Variants in PHACTR1 observed in about 807,000 individuals in gnomAD.
The protein encoded by PHACTR1 is RPEL repeat containing 1.
A neutral mutation model predicts 69.2 loss-of-function variants in PHACTR1; 16 were observed. That is an observed-to-expected ratio of 0.23 (90% CI 0.16 to 0.35). The LOEUF (loss-of-function observed/expected upper bound fraction) is 0.35, where lower values mean the gene tolerates loss of function less well. Ranked by LOEUF, PHACTR1 falls within the 10% of genes least tolerant of loss-of-function variation. The pLI is 1.00. For missense variants in PHACTR1, 510 were observed against 734.7 expected, an observed-to-expected ratio of 0.69 and a Z score of 3.54; for synonymous variants, 312 against 284.5, an observed-to-expected ratio of 1.10 and a Z score of -0.97.
intron 4 of PHACTR1, among the ~76,000 whole-genome samples, chr6:12,833,677 C>T (rs1023684857): frequency 3.3e-5 from 5 of 152,182 alleles, no homozygotes; most frequent in Admixed American, 6.5e-5. Context: ...CTCCTGCTTC[C>T]GCTCTTACAT....
At chr6:12,805,715 C>T (rs1463487882) in intron 4 of PHACTR1, among the ~76,000 whole-genome samples, 2 of 152,016 alleles carry the variant, frequency 1.3e-5, no homozygotes, top group Non-Finnish European at 2.9e-5. Flanking sequence ...ATTCTCCTGC[C>T]TCCGTTTCCT....
At chr6:13,113,521 A>G (rs954517472) in intron 5 of PHACTR1, among the ~76,000 whole-genome samples, 13 of 152,220 alleles carry the variant, frequency 8.5e-5, no homozygotes, top group African/African-American at 3.1e-4. Context: ...ATTTCAGTAG[A>G]CACAGAAAAA....
rs111555940 is a variant in PHACTR1 at position 13,001,689 on chromosome 6, A to G, written c.251-51676A>G. Among the ~76,000 whole-genome samples, 90 of 152,312 alleles carry G rather than the reference A, an allele frequency of 5.9e-4. 1 individual carries two copies. The highest frequency in any genetic ancestry group is 2.0e-3 in the African/African-American group (84 of 41,578). On this transcript the variant is annotated intron_variant, in intron 4 of 14. Coordinates refer to ENST00000332995, the MANE Select transcript of PHACTR1 (RefSeq NM_030948.6). ...CAGCCTAGAAAGTGACATCCAATAA[A>G]TAGTGTGCCCCCCACTTTGGGGAAG... is the stretch of plus-strand genomic sequence containing the variant.
intron 5 of PHACTR1, among the ~76,000 whole-genome samples, chr6:13,130,629 C>T (rs563071794): frequency 1.0e-3 from 154 of 152,102 alleles, no homozygotes; most frequent in Admixed American, 2.3e-3. Context: ...AAACTCTGAA[C>T]GACCAATAAC....
chr6:13,132,470 C>T (rs1461144532), intron 5 of PHACTR1, among the ~76,000 whole-genome samples: 3 of 152,154 alleles, frequency 2.0e-5, no homozygotes, highest in African/African-American at 7.2e-5. Flanking sequence ...TTGCCCGCAG[C>T]AGATGCTTAC....
At chr6:12,926,206 C>T (rs1424788976) in intron 4 of PHACTR1, among the ~76,000 whole-genome samples, 1 of 152,160 alleles carries the variant, frequency 6.6e-6, no homozygotes, top group Non-Finnish European at 1.5e-5. Flanking sequence ...ATTATGGCTA[C>T]CATTGATGCC....
At chr6:12,842,427 A>G (rs985984999) in intron 4 of PHACTR1, among the ~76,000 whole-genome samples, 4 of 152,256 alleles carry the variant, frequency 2.6e-5, no homozygotes, top group African/African-American at 9.6e-5. Context: ...CCAATGGGTC[A>G]ATGTCATAAA....
intron 3 of PHACTR1, among the ~76,000 whole-genome samples, chr6:12,730,397 C>T (rs1318409326): frequency 6.6e-6 from 1 of 151,526 alleles, no homozygotes; most frequent in East Asian, 1.9e-4. Context: ...AAGATTATTG[C>T]AAATTCTGGC....
At chr6:13,244,530 G>C (rs1015387091) in intron 10 of PHACTR1, among the ~76,000 whole-genome samples, 3 of 152,164 alleles carry the variant, frequency 2.0e-5, no homozygotes, top group Non-Finnish European at 2.9e-5. Context: ...ACGCCCCGGG[G>C]GGCCAGTTCA....
intron 4 of PHACTR1, chr6:12,958,062 G>T (rs1201755850): frequency 4.2e-6 from 4 of 959,496 alleles, no homozygotes; most frequent in Non-Finnish European, 5.0e-6. Flanking sequence ...CTGAAATCAT[G>T]TTATTGCCTT....
chr6:12,752,182 A>G (rs1350157775), intron 4 of PHACTR1, among the ~76,000 whole-genome samples: 1 of 152,200 alleles, frequency 6.6e-6, no homozygotes, highest in Non-Finnish European at 1.5e-5. Flanking sequence ...CTAACGAAGT[A>G]AGATCCACTC....
rs9463573 is a variant in PHACTR1 at position 13,230,318 on chromosome 6, G to A, written c.1391+125G>A. ...TGTAATCCCAGCACTTTGGGAGGCC[G>A]AGGCAGGTGGATCACATGAGGTCAG... On this transcript the variant is annotated intron_variant, in intron 10 of 14. Coordinates refer to ENST00000332995, the MANE Select transcript of PHACTR1 (RefSeq NM_030948.6). The A allele has an allele frequency of 1.5e-3, 2,205 of 1,509,894 alleles. 31 individuals are homozygous for A. In the African/African-American group the frequency reaches 0.027, roughly 18 times the overall value. The allele number at this position is 1,509,894 out of a possible 1,614,324, so 93.5% of individuals were successfully genotyped here.
chr6:12,946,805 ATTTTTTT>A (rs11412388), intron 4 of PHACTR1, among the ~76,000 whole-genome samples: 1 of 85,192 alleles, frequency 1.2e-5, no homozygotes, highest in Non-Finnish European at 2.2e-5. Context: ...ATGGTGCTGG[ATTTTTTT>A]TTTTTTTTTT....
At chr6:13,060,311 A>T (rs1218651370) in intron 5 of PHACTR1, among the ~76,000 whole-genome samples, 1 of 152,160 alleles carries the variant, frequency 6.6e-6, no homozygotes, top group African/African-American at 2.4e-5. Context: ...CTGGGGTAAG[A>T]TGGGGTTAAA....
At chr6:12,721,700 G>C (rs891619410) in intron 3 of PHACTR1, among the ~76,000 whole-genome samples, 1 of 152,118 alleles carries the variant, frequency 6.6e-6, no homozygotes, top group Admixed American at 6.5e-5. Context: ...CTCAAGTTCT[G>C]CTTTTACCAT....
At chr6:13,071,611 G>A (rs550117517) in intron 5 of PHACTR1, among the ~76,000 whole-genome samples, 76 of 152,320 alleles carry the variant, frequency 5.0e-4, no homozygotes, top group South Asian at 4.6e-3. Context: ...AGATGCAGAT[G>A]TAATTTGGCC....
At chr6:13,133,776 C>T (rs1820973937) in intron 5 of PHACTR1, among the ~76,000 whole-genome samples, 1 of 151,294 alleles carries the variant, frequency 6.6e-6, no homozygotes, top group Admixed American at 6.6e-5. Flanking sequence ...ATGTGAGGAG[C>T]CCCTCTGCCC....
intron 4 of PHACTR1, among the ~76,000 whole-genome samples, chr6:13,006,357 G>T (rs531202004): frequency 1.3e-5 from 2 of 152,070 alleles, no homozygotes; most frequent in Admixed American, 6.6e-5. Flanking sequence ...CTACCTAGCC[G>T]CTTTCTGAAT....
chr6:12,914,698 G>C (rs1396036606), intron 4 of PHACTR1, among the ~76,000 whole-genome samples: 1 of 151,926 alleles, frequency 6.6e-6, no homozygotes, highest in African/African-American at 2.4e-5. Flanking sequence ...TCAGGAGACA[G>C]AAATCACACG....
Sources: allele counts gnomAD v4.1 joint callset (sites outside exome capture counted in the v4.1 genomes callset), GRCh38; gene constraint gnomAD v4.1.1; transcripts MANE v1.5; gene names NCBI Gene and HGNC (gene_info 2026-07-23, HGNC 2026-07-21).